The following SLC17A3 variants were observed in gnomAD, a reference collection of about 807,000 sequenced individuals.
SLC17A3 encodes sodium-dependent phosphate transport protein 4.
A neutral mutation model predicts 60.3 loss-of-function variants in SLC17A3; 61 were observed. The observed-to-expected ratio is 1.01, with a 90% CI of 0.82 to 1.25. The LOEUF (loss-of-function observed/expected upper bound fraction) is 1.25, where lower values mean the gene tolerates loss of function less well. Among genes scored for constraint, SLC17A3 ranks in the 50% most tolerant of loss-of-function variants. The probability of loss-of-function intolerance (pLI) is 0.00; values close to 1 mark genes in which losing one functional copy is unlikely to be tolerated. For missense variants in SLC17A3, 624 were observed against 594.9 expected (o/e 1.05, Z -0.51); for synonymous variants, 192 against 208.9 (o/e 0.92, Z 0.70).
intron 11 of SLC17A3, among the ~76,000 whole-genome samples, chr6:25,846,786 T>C (rs903028056): frequency 2.6e-5 from 4 of 152,138 alleles, no homozygotes; most frequent in African/African-American, 9.7e-5. Context: ...AATTGTTTTG[T>C]ATTTTTAGTA....
intron 1 of SLC17A3, among the ~76,000 whole-genome samples, chr6:25,870,240 G>C (rs1323417114): frequency 6.6e-6 from 1 of 151,936 alleles, no homozygotes; most frequent in Non-Finnish European, 1.5e-5. Flanking sequence ...TTTAAAAATA[G>C]GTCTTCTGTT....
chr6:25,848,581 C>G (rs1327691781), intron 11 of SLC17A3, among the ~76,000 whole-genome samples: 2 of 152,090 alleles, frequency 1.3e-5, no homozygotes, highest in African/African-American at 4.8e-5. Context: ...TCATCTCTCA[C>G]CTTATACAAA....
chr6:25,850,755 G>A lies in SLC17A3; in HGVS notation c.831+4C>T. ...CAGAAAAGTGTTGGTGTCTTTATAT[G>A]TACCTGTTGTTTCAAGGAGGATATG... On this transcript the variant is annotated splice_donor_region_variant and intron_variant, in intron 7 of 12. Coordinates refer to ENST00000397060, the MANE Select transcript of SLC17A3 (RefSeq NM_001098486.2). 2 of 1,610,182 alleles carry A rather than the reference G, an allele frequency of 1.2e-6. No individual in the cohort carries two copies. The highest frequency in any genetic ancestry group is 1.7e-6 in the Non-Finnish European group (2 of 1,176,384).
intron 5 of SLC17A3, among the ~76,000 whole-genome samples, chr6:25,860,604 C>T (rs62394294): frequency 6.6e-6 from 1 of 152,038 alleles, no homozygotes; most frequent in Non-Finnish European, 1.5e-5. Context: ...GGATCACCTG[C>T]CTGGAGCCTC....
At chr6:25,845,623 A>T (rs1242952157) in intron 11 of SLC17A3, 107 bp from the exon 12 acceptor site, 1 of 1,300,748 alleles carries the variant, frequency 7.7e-7, no homozygotes, top group Non-Finnish European at 1.1e-6. Context: ...TCCTTGTAGA[A>T]ATTCATTTCC....
Position 25,862,031 on chromosome 6 carries a change from T to G in SLC17A3, c.304-2A>C. The G allele has an allele frequency of 6.3e-7, 1 of 1,595,550 alleles. No homozygotes were observed. The highest frequency in any genetic ancestry group is 8.5e-7 in the Non-Finnish European group (1 of 1,169,602). On this transcript the variant is annotated splice_acceptor_variant, in intron 3 of 12. Transcript: ENST00000397060. LOFTEE classifies it high-confidence loss of function. Reference sequence around the variant, plus strand: ...AGGAGACCAGTCATACACAGGAGCCTTAGAGAAACAGAGAATGCTGTAGTA... The same window carrying G: ...AGGAGACCAGTCATACACAGGAGCCGTAGAGAAACAGAGAATGCTGTAGTA...
In SLC17A3 at chr6:25,868,336, G is replaced by T; in HGVS notation, c.52C>A (p.Gln18Lys). The change falls in exon 2 of 13, where the codon CAA (glutamine) becomes AAA (lysine). Residue 18 changes from glutamine to lysine, a missense_variant. Physicochemically the swap from Gln to Lys is moderately conservative, Grantham distance 53. Transcript: ENST00000397060. ...AGTGTCTCATCCACTTGCATATCTT[G>T]TGCGTTCTTGCTCTCCCTTGCTGTG... ...SPTARESKNA[Q>K]DMQVDETLIP... The T allele has an allele frequency of 6.2e-7, 1 of 1,612,006 alleles. No homozygotes were observed.
At chr6:25,847,285 T>C (rs187534669) in intron 11 of SLC17A3, among the ~76,000 whole-genome samples, 162 of 152,362 alleles carry the variant, frequency 1.1e-3, no homozygotes, top group African/African-American at 2.9e-3. Context: ...GGTGTATATG[T>C]ACCATATTTC....
intron 9 of SLC17A3, 22 bp downstream of exon 9, chr6:25,850,026 G>C: frequency 6.2e-7 from 1 of 1,613,884 alleles, no homozygotes. Flanking sequence ...CAAATTATCT[G>C]ACCCTCAAGC....
intron 6 of SLC17A3, among the ~76,000 whole-genome samples, chr6:25,852,366 AT>A (rs1765292889): frequency 6.6e-6 from 1 of 151,636 alleles, no homozygotes; most frequent in South Asian, 2.1e-4. Flanking sequence ...ACTTTTTTGG[AT>A]CTGTGAATTT....
intron 5 of SLC17A3, among the ~76,000 whole-genome samples, chr6:25,858,709 T>C (rs1218022742): frequency 6.6e-6 from 1 of 152,192 alleles, no homozygotes; most frequent in Non-Finnish European, 1.5e-5. Flanking sequence ...TATGTCCTGT[T>C]TTTTCTCATG....
chr6:25,863,824 G>T (rs1765491869), intron 2 of SLC17A3, among the ~76,000 whole-genome samples: 2 of 151,976 alleles, frequency 1.3e-5, no homozygotes, highest in African/African-American at 4.8e-5. Context: ...CTCCAGTCCA[G>T]ATTTGACATC....
intron 4 of SLC17A3, 38 bp from the exon 5 acceptor site, chr6:25,861,749 C>G: frequency 6.2e-7 from 1 of 1,608,302 alleles, no homozygotes; most frequent in Non-Finnish European, 8.5e-7. Context: ...ATGTGTGGTG[C>G]CATGTAGAAA....
At chr6:25,861,575 T>A (rs771182088) in intron 5 of SLC17A3, 49 bp downstream of exon 5, 1 of 1,473,584 alleles carries the variant, frequency 6.8e-7, no homozygotes, top group African/African-American at 1.4e-5. Flanking sequence ...AGGAACCCAG[T>A]GGGAAAATGT....
intron 11 of SLC17A3, among the ~76,000 whole-genome samples, chr6:25,848,882 A>C (rs1765221875): frequency 6.6e-6 from 1 of 152,214 alleles, no homozygotes; most frequent in Admixed American, 6.5e-5. Context: ...CAATGAACTC[A>C]AATAAATTAG....
At chr6:25,853,500 C>A (rs547545759) in intron 6 of SLC17A3, among the ~76,000 whole-genome samples, 17 of 147,256 alleles carry the variant, frequency 1.2e-4, no homozygotes, top group Admixed American at 3.5e-4. Flanking sequence ...ACTGCAAGCT[C>A]CGCCTCCCGG....
At chr6:25,860,088 G>C (rs1765423114) in intron 5 of SLC17A3, among the ~76,000 whole-genome samples, 2 of 152,054 alleles carry the variant, frequency 1.3e-5, no homozygotes, top group South Asian at 4.1e-4. Context: ...GTTTCATGCA[G>C]CTACAGTTTC....
chr6:25,861,333 A>G (rs1012669651), intron 5 of SLC17A3, among the ~76,000 whole-genome samples: 3 of 152,158 alleles, frequency 2.0e-5, no homozygotes, highest in African/African-American at 7.2e-5. Context: ...TTTTTTTATA[A>G]CCTTTCCATC....
intron 2 of SLC17A3, among the ~76,000 whole-genome samples, chr6:25,863,508 T>C (rs1476863857): frequency 6.6e-6 from 1 of 152,114 alleles, no homozygotes; most frequent in Non-Finnish European, 1.5e-5. Flanking sequence ...CACTTTTTTC[T>C]GTGTGGGAAG....
Sources: gnomAD v4.1 joint callset for allele counts (sites outside exome capture counted in the v4.1 genomes callset) on GRCh38, gnomAD v4.1.1 for gene constraint, MANE v1.5 for transcripts, NCBI Gene and HGNC (gene_info 2026-07-23, HGNC 2026-07-21) for gene names.